The following LINGO2 variants were observed in gnomAD, a reference collection of about 807,000 sequenced individuals.
LINGO2 encodes the protein leucine rich repeat and Ig domain containing 2, also known as leucine-rich repeat and immunoglobulin-like domain-containing nogo receptor-interacting protein 2.
Under a neutral mutation model 30.6 loss-of-function variants are expected in LINGO2, and 14 were observed. The observed-to-expected ratio is 0.46, with a 90% confidence interval of 0.30 to 0.72. The LOEUF (loss-of-function observed/expected upper bound fraction) is 0.72, where lower values mean the gene tolerates loss of function less well. LINGO2 is among the 30% of genes least tolerant of loss of function. LINGO2 has a pLI of 0.07. For missense variants in LINGO2, 729 were observed against 751.7 expected (o/e 0.97, Z 0.35); for synonymous variants, 317 against 288.5 (o/e 1.10, Z -1.00).
At chr9:28,473,273 G>A (rs1825597275) in intron 2 of LINGO2, among the ~76,000 whole-genome samples, 1 of 151,826 alleles carries the variant, frequency 6.6e-6, no homozygotes, top group Non-Finnish European at 1.5e-5. Flanking sequence ...AGAAATTCAG[G>A]CCCAAATTCC....
chr9:27,950,561 C>T, exon 6 of LINGO2: 2 of 1,547,976 alleles, frequency 1.3e-6, no homozygotes, highest in Non-Finnish European at 1.7e-6. Context: ...CAGATTTGTT[C>T]TGGGCAGAGC....
intron 1 of LINGO2, among the ~76,000 whole-genome samples, chr9:28,535,693 T>A (rs932345563): frequency 2.0e-5 from 3 of 150,674 alleles, no homozygotes; most frequent in African/African-American, 7.3e-5. Flanking sequence ...ACCACATGAG[T>A]ACGTGCATGC....
the LINGO2 span, among the ~76,000 whole-genome samples, chr9:28,707,359 A>G: frequency 6.6e-6 from 1 of 152,096 alleles, no homozygotes; most frequent in Non-Finnish European, 1.5e-5. Flanking sequence ...ATGTTTCCCC[A>G]TTGACCATTA....
the LINGO2 span, among the ~76,000 whole-genome samples, chr9:28,749,160 C>T: frequency 6.6e-6 from 1 of 151,990 alleles, no homozygotes; most frequent in Non-Finnish European, 1.5e-5. Flanking sequence ...TTGAATGTGA[C>T]ACTCCTGTTG....
the LINGO2 span, among the ~76,000 whole-genome samples, chr9:29,085,744 T>G: frequency 1.3e-5 from 2 of 152,126 alleles, no homozygotes; most frequent in African/African-American, 4.8e-5. Context: ...GAGTCTACCA[T>G]TTAAGTTTAT....
chr9:28,291,392 A>G (rs1823722758), intron 4 of LINGO2, among the ~76,000 whole-genome samples: 1 of 152,194 alleles, frequency 6.6e-6, no homozygotes, highest in Admixed American at 6.5e-5. Context: ...ACTCACAGCT[A>G]GGGAGATGGC....
chr9:28,568,634 A>C (rs1823516520), intron 1 of LINGO2, among the ~76,000 whole-genome samples: 1 of 152,080 alleles, frequency 6.6e-6, no homozygotes, highest in Admixed American at 6.6e-5. Context: ...ATGCCATAAA[A>C]TTATCAGCAG....
At chr9:28,613,747 T>C (rs190798629) in intron 1 of LINGO2, among the ~76,000 whole-genome samples, 3 of 152,224 alleles carry the variant, frequency 2.0e-5, no homozygotes, top group South Asian at 2.1e-4. Flanking sequence ...ATTCTGTTTG[T>C]CAGTCAGAAT....
chr9:28,007,077 T>A (rs1822304225), intron 5 of LINGO2, among the ~76,000 whole-genome samples: 1 of 152,158 alleles, frequency 6.6e-6, no homozygotes, highest in Admixed American at 6.5e-5. Context: ...TTAAGCTGTT[T>A]CATAAAGCTA....
chr9:29,164,708 A>G, the LINGO2 span, among the ~76,000 whole-genome samples: 14 of 152,082 alleles, frequency 9.2e-5, no homozygotes, highest in Non-Finnish European at 1.3e-4. Context: ...TTTGTATAAC[A>G]CACATACACA....
intron 2 of LINGO2, among the ~76,000 whole-genome samples, chr9:28,437,989 G>A (rs1191010339): frequency 6.6e-6 from 1 of 152,052 alleles, no homozygotes; most frequent in Non-Finnish European, 1.5e-5. Flanking sequence ...TATCAAACAA[G>A]TGACTTAAGA....
At chr9:28,640,963 A>G (rs1827546730) in intron 1 of LINGO2, among the ~76,000 whole-genome samples, 3 of 151,706 alleles carry the variant, frequency 2.0e-5, no homozygotes, top group Admixed American at 2.0e-4. Context: ...GGTTTTATCT[A>G]CCTTTGGTCT....
intron 5 of LINGO2, among the ~76,000 whole-genome samples, chr9:28,010,429 T>C (rs2119238930): frequency 6.6e-6 from 1 of 152,284 alleles, no homozygotes. Context: ...ATGATACCAC[T>C]TGATTGTTTT....
At chr9:28,607,683 A>G (rs1587951533) in intron 1 of LINGO2, among the ~76,000 whole-genome samples, 1 of 152,004 alleles carries the variant, frequency 6.6e-6, no homozygotes, top group East Asian at 1.9e-4. Flanking sequence ...AACCAATTCT[A>G]AAGAAAAAGA....
chr9:28,227,165 G>A (rs930249143), intron 4 of LINGO2, among the ~76,000 whole-genome samples: 8 of 152,086 alleles, frequency 5.3e-5, no homozygotes. Flanking sequence ...CCAATGTACA[G>A]ATCAGAAACT....
At chr9:28,800,859 T>C in the LINGO2 span, among the ~76,000 whole-genome samples, 1 of 152,096 alleles carries the variant, frequency 6.6e-6, no homozygotes, top group Non-Finnish European at 1.5e-5. Flanking sequence ...ACAATGAGTA[T>C]ATAGTTATTT....
At chr9:28,976,814 T>C in the LINGO2 span, among the ~76,000 whole-genome samples, 1 of 152,066 alleles carries the variant, frequency 6.6e-6, no homozygotes, top group Non-Finnish European at 1.5e-5. Context: ...TTGATGTTTA[T>C]TACTCTCAAG....
chr9:28,035,122 ACT>A (rs1171842725), intron 4 of LINGO2, among the ~76,000 whole-genome samples: 14 of 152,060 alleles, frequency 9.2e-5, no homozygotes, highest in Non-Finnish European at 4.4e-5. Flanking sequence ...CAGCACCTAC[ACT>A]CTAGAAAAAT....
the LINGO2 span, among the ~76,000 whole-genome samples, chr9:28,750,787 T>C: frequency 6.6e-6 from 1 of 152,082 alleles, no homozygotes; most frequent in South Asian, 2.1e-4. Flanking sequence ...AGTTTAGTTA[T>C]AGTAATAGTA....
Sources: allele counts gnomAD v4.1 joint callset (sites outside exome capture counted in the v4.1 genomes callset), GRCh38; gene constraint gnomAD v4.1.1; transcripts MANE v1.5; gene names NCBI Gene and HGNC (gene_info 2026-07-23, HGNC 2026-07-21).